Variants in HS2ST1 observed in about 807,000 individuals in gnomAD.
HS2ST1 encodes the protein 2-O-sulfotransferase.
Under a neutral mutation model 42.9 loss-of-function variants are expected in HS2ST1, and 18 were observed. The observed-to-expected ratio is 0.42, with a 90% CI of 0.29 to 0.62. HS2ST1 has a LOEUF of 0.62. Among genes scored for constraint, HS2ST1 ranks in the 20% least tolerant of loss-of-function variants. The pLI, the probability that HS2ST1 is intolerant of heterozygous loss-of-function variation, is 0.21. For missense variants in HS2ST1, 334 were observed against 433.8 expected (o/e 0.77, Z 2.04); for synonymous variants, 146 against 152.9 (o/e 0.95, Z 0.33).
chr1:87,045,804 G>A, intron 1 of HS2ST1: 1 of 818,108 alleles, frequency 1.2e-6, no homozygotes, highest in South Asian at 1.3e-5. Context: ...CATTGCATAT[G>A]GGTCATCCTT....
intron 1 of HS2ST1, among the ~76,000 whole-genome samples, chr1:87,027,451 G>A (rs1370308708): frequency 3.3e-5 from 5 of 152,128 alleles, no homozygotes; most frequent in African/African-American, 1.2e-4. Context: ...AGCATGTAGA[G>A]CTCAAATTAT....
intron 1 of HS2ST1, among the ~76,000 whole-genome samples, chr1:87,019,264 C>T (rs1306817259): frequency 6.6e-6 from 1 of 152,176 alleles, no homozygotes; most frequent in Non-Finnish European, 1.5e-5. Context: ...TATCACATTT[C>T]TGTAAGAAGG....
intron 1 of HS2ST1, among the ~76,000 whole-genome samples, chr1:86,919,223 G>A (rs935701879): frequency 6.6e-6 from 1 of 152,078 alleles, no homozygotes; most frequent in Non-Finnish European, 1.5e-5. Flanking sequence ...GGGATTACAG[G>A]CATGAGCCAC....
intron 3 of HS2ST1, among the ~76,000 whole-genome samples, chr1:87,090,709 A>C (rs972858579): frequency 3.3e-5 from 5 of 151,914 alleles, no homozygotes; most frequent in Non-Finnish European, 7.4e-5. Flanking sequence ...GTATAAAGTA[A>C]TGCTTGTAAC....
chr1:86,932,740 G>T (rs1660570360), intron 1 of HS2ST1, among the ~76,000 whole-genome samples: 1 of 152,112 alleles, frequency 6.6e-6, no homozygotes, highest in South Asian at 2.1e-4. Context: ...ACAGAAGAAG[G>T]CAGGAGAAGT....
chr1:86,915,762 A>C (rs1660139258), intron 1 of HS2ST1, among the ~76,000 whole-genome samples: 3 of 152,168 alleles, frequency 2.0e-5, no homozygotes, highest in Admixed American at 2.0e-4. Flanking sequence ...TAGTGCGGGA[A>C]CGCGAGTGCA....
At chr1:86,969,198 T>G (rs377112540) in intron 1 of HS2ST1, among the ~76,000 whole-genome samples, 1 of 152,250 alleles carries the variant, frequency 6.6e-6, no homozygotes, top group Non-Finnish European at 1.5e-5. Flanking sequence ...TAAAATTGCC[T>G]TTCAGGTTTA....
In HS2ST1 at chr1:87,012,840, A is replaced by G. The variant is rs182247205; in HGVS notation, c.125-60094A>G. On this transcript the variant is annotated intron_variant, in intron 1 of 6. Coordinates refer to ENST00000370550, the MANE Select transcript of HS2ST1 (RefSeq NM_012262.4). ...CCAAATGGGAGAAATAGGCCAAAAC[A>G]AAGGGGCTACAGGCCCCATGCAAGT... 8.8e-4 allele frequency among the ~76,000 whole-genome samples: 134 copies of G among 152,334 alleles called. 1 individual carries two copies. The highest frequency in any genetic ancestry group is 2.9e-4 in the Non-Finnish European group (20 of 68,024).
intron 1 of HS2ST1, among the ~76,000 whole-genome samples, chr1:87,023,809 T>C (rs1650013086): frequency 6.6e-6 from 1 of 152,208 alleles, no homozygotes; most frequent in African/African-American, 2.4e-5. Flanking sequence ...TGTTACTATT[T>C]TTTTTCAAGC....
chr1:87,033,048 T>C (rs1436829728), intron 1 of HS2ST1, among the ~76,000 whole-genome samples: 1 of 152,214 alleles, frequency 6.6e-6, no homozygotes, highest in African/African-American at 2.4e-5. Context: ...AAAATAATAA[T>C]GATAAATGCC....
intron 1 of HS2ST1, among the ~76,000 whole-genome samples, chr1:87,055,819 C>G (rs996932310): frequency 1.3e-5 from 2 of 152,036 alleles, no homozygotes; most frequent in African/African-American, 4.8e-5. Context: ...CTCTAACAGC[C>G]CAAACCCTCA....
At chr1:86,945,284 T>A (rs753135906) in intron 1 of HS2ST1, among the ~76,000 whole-genome samples, 9 of 152,158 alleles carry the variant, frequency 5.9e-5, no homozygotes, top group Non-Finnish European at 1.3e-4. Context: ...TATTGGGATA[T>A]AGTAGGGGAT....
intron 2 of HS2ST1, among the ~76,000 whole-genome samples, chr1:87,078,558 A>G (rs1400622996): frequency 1.3e-5 from 2 of 152,240 alleles, no homozygotes; most frequent in East Asian, 1.9e-4. Flanking sequence ...TTCTATGACT[A>G]AAGTCACTGT....
At chr1:86,916,406 A>G (rs1660159420) in intron 1 of HS2ST1, among the ~76,000 whole-genome samples, 1 of 152,204 alleles carries the variant, frequency 6.6e-6, no homozygotes, top group Admixed American at 6.5e-5. Context: ...TTTTAGGAAA[A>G]ATGTACCAGA....
intron 1 of HS2ST1, among the ~76,000 whole-genome samples, chr1:86,988,348 C>T (rs1648850398): frequency 6.6e-6 from 1 of 152,208 alleles, no homozygotes; most frequent in African/African-American, 2.4e-5. Flanking sequence ...TACCGTCCCT[C>T]TCTCTCAGTA....
At chr1:87,047,072 C>A (rs1450054548) in intron 1 of HS2ST1, among the ~76,000 whole-genome samples, 1 of 152,038 alleles carries the variant, frequency 6.6e-6, no homozygotes, top group African/African-American at 2.4e-5. Flanking sequence ...ATTTTATATT[C>A]CCACCAGCAG....
intron 3 of HS2ST1, among the ~76,000 whole-genome samples, chr1:87,090,575 G>A (rs1221107475): frequency 6.6e-6 from 1 of 152,018 alleles, no homozygotes; most frequent in African/African-American, 2.4e-5. Context: ...ATCAGGAAGA[G>A]AGGTCACAAG....
At chr1:86,996,272 G>A (rs190034302) in intron 1 of HS2ST1, among the ~76,000 whole-genome samples, 24 of 151,894 alleles carry the variant, frequency 1.6e-4, no homozygotes, top group Admixed American at 5.9e-4. Context: ...GAAAAACCCC[G>A]TCTCTACTAA....
At chr1:86,973,819 A>G (rs1019269256) in intron 1 of HS2ST1, among the ~76,000 whole-genome samples, 16 of 152,230 alleles carry the variant, frequency 1.1e-4, no homozygotes, top group Non-Finnish European at 2.4e-4. Context: ...ATAAAATATG[A>G]TATGTAGAAT....
Sources: allele counts gnomAD v4.1 joint callset (sites outside exome capture counted in the v4.1 genomes callset), GRCh38; gene constraint gnomAD v4.1.1; transcripts MANE v1.5; gene names NCBI Gene and HGNC (gene_info 2026-07-23, HGNC 2026-07-21).